BANK1: variants seen among roughly 807,000 people sequenced by gnomAD.
BANK1 encodes the protein B-cell scaffold protein with ankyrin repeats.
BANK1 carries 95 observed loss-of-function variants against 94.5 expected under a neutral mutation model. The observed-to-expected ratio is 1.00, with a 90% confidence interval of 0.85 to 1.19. The LOEUF (loss-of-function observed/expected upper bound fraction) is 1.19. Among genes scored for constraint, BANK1 ranks in the 50% most tolerant of loss-of-function variants. The pLI is 0.00. For missense variants in BANK1, 987 were observed against 932.2 expected (o/e 1.06, Z -0.77); for synonymous variants, 334 against 308.4 (o/e 1.08, Z -0.87).
chr4:101,806,632 C>T (rs891075443), intron 1 of BANK1, among the ~76,000 whole-genome samples: 2 of 152,116 alleles, frequency 1.3e-5, no homozygotes, highest in African/African-American at 2.4e-5. Flanking sequence ...ATACTTGGTT[C>T]ATAATACATG....
chr4:101,813,863 A>G (rs1039930075), intron 1 of BANK1: 6 of 985,282 alleles, frequency 6.1e-6, no homozygotes, highest in Non-Finnish European at 7.2e-6. Context: ...ACACATCAGG[A>G]AGAGGGTGGG....
intron 3 of BANK1, among the ~76,000 whole-genome samples, chr4:101,857,899 T>C (rs191708654): frequency 9.8e-4 from 150 of 152,312 alleles, no homozygotes; most frequent in Middle Eastern, 6.8e-3. Context: ...GACTTTTCTT[T>C]GTTTATGGGC....
chr4:101,832,955 A>C (rs1321261196), intron 2 of BANK1, among the ~76,000 whole-genome samples: 2 of 131,486 alleles, frequency 1.5e-5, no homozygotes, highest in African/African-American at 5.8e-5. Context: ...TAGTATCTTT[A>C]TATAGATTCT....
At chr4:101,910,589 G>A (rs1355762771) in intron 6 of BANK1, among the ~76,000 whole-genome samples, 1 of 151,464 alleles carries the variant, frequency 6.6e-6, no homozygotes, top group Non-Finnish European at 1.5e-5. Context: ...AGCTACTCAG[G>A]AGGCTGAGGC....
chr4:101,942,503 A>G (rs1307232660), intron 7 of BANK1, among the ~76,000 whole-genome samples: 1 of 151,920 alleles, frequency 6.6e-6, no homozygotes, highest in South Asian at 2.1e-4. Flanking sequence ...CATCTTGACA[A>G]TGCTCTCTTA....
intron 4 of BANK1, among the ~76,000 whole-genome samples, chr4:101,866,083 A>G (rs537070208): frequency 6.6e-6 from 1 of 152,288 alleles, no homozygotes; most frequent in Non-Finnish European, 1.5e-5. Context: ...CATGCATCAG[A>G]CTAGAATTAG....
At chr4:102,048,558 C>T (rs1007522564) in intron 11 of BANK1, among the ~76,000 whole-genome samples, 1 of 152,094 alleles carries the variant, frequency 6.6e-6, no homozygotes, top group Non-Finnish European at 1.5e-5. Context: ...CAGTGATACT[C>T]TCTTTATTTG....
rs147865381 is a variant in BANK1 at position 101,879,597 on chromosome 4, G to A, written c.903+8953G>A. Among the ~76,000 whole-genome samples the A allele has an allele frequency of 1.1e-4, 16 of 151,906 alleles. No homozygotes were observed. The East Asian group carries it at 2.7e-3, about 26-fold the overall frequency. On this transcript the variant is annotated intron_variant, in intron 5 of 16. Transcript: ENST00000322953. ...AGGAACACTTCCAAACTAATTCTACGAGCCCTGTATTACCCTAATCCAGAC... is the reference window on the plus strand; with the variant it reads ...AGGAACACTTCCAAACTAATTCTACAAGCCCTGTATTACCCTAATCCAGAC...
intron 13 of BANK1, among the ~76,000 whole-genome samples, chr4:102,065,549 A>G (rs1404712339): frequency 6.6e-6 from 1 of 152,140 alleles, no homozygotes; most frequent in African/African-American, 2.4e-5. Context: ...ATACAAAGAT[A>G]CAGGAAACTG....
intron 7 of BANK1, among the ~76,000 whole-genome samples, chr4:101,995,948 T>A (rs907667242): frequency 1.3e-5 from 2 of 152,198 alleles, no homozygotes; most frequent in Non-Finnish European, 2.9e-5. Flanking sequence ...TAGTTTAGTT[T>A]AATTAGATCC....
chr4:101,870,539 C>T lies in BANK1; in HGVS notation c.798C>T (p.Tyr266=). 6.2e-7 allele frequency: 1 copy of T among 1,612,704 alleles called. No homozygotes were observed. The highest frequency in any genetic ancestry group is 1.7e-4 in the Middle Eastern group (1 of 6,046). ...CTGGTTCAGTCCATGTCAATGTCTACTGTGATGGAATCGTTAAAGCTACAA... is the reference window on the plus strand; with the variant it reads ...CTGGTTCAGTCCATGTCAATGTCTATTGTGATGGAATCGTTAAAGCTACAA... ...FPAGSVHVNV[Y]CDGIVKATTK... is the part of the protein sequence containing the mutation. The change falls in exon 5 of 17, where the codon TAC becomes TAT. Residue 266 remains tyrosine, a synonymous_variant. Transcript: ENST00000322953.
At chr4:102,042,733 A>G (rs1727741450) in intron 10 of BANK1, among the ~76,000 whole-genome samples, 1 of 152,054 alleles carries the variant, frequency 6.6e-6, no homozygotes, top group Non-Finnish European at 1.5e-5. Flanking sequence ...GCCTCAGCTC[A>G]ATTATCCCAG....
At chr4:102,013,231 T>G (rs1227958027) in intron 7 of BANK1, among the ~76,000 whole-genome samples, 1 of 152,092 alleles carries the variant, frequency 6.6e-6, no homozygotes, top group Non-Finnish European at 1.5e-5. Flanking sequence ...AATCAATTAT[T>G]CGCTATTCTC....
At chr4:101,840,181 G>T (rs1726990791) in intron 2 of BANK1, among the ~76,000 whole-genome samples, 1 of 150,140 alleles carries the variant, frequency 6.7e-6, no homozygotes, top group Non-Finnish European at 1.5e-5. Context: ...TTTTAGCCGG[G>T]ATGGTCTCGA....
intron 6 of BANK1, among the ~76,000 whole-genome samples, chr4:101,897,676 G>A (rs972641947): frequency 3.3e-5 from 5 of 151,968 alleles, no homozygotes; most frequent in Admixed American, 6.6e-5. Flanking sequence ...AATCACCTGT[G>A]TAGCTTTTAA....
intron 3 of BANK1, among the ~76,000 whole-genome samples, chr4:101,856,705 A>G (rs1319303472): frequency 6.6e-6 from 1 of 152,328 alleles, no homozygotes; most frequent in Middle Eastern, 3.4e-3. Flanking sequence ...TGTTATTTAG[A>G]TAGCTAGTTA....
chr4:102,042,079 G>A (rs1026388714), intron 10 of BANK1, among the ~76,000 whole-genome samples: 2 of 151,776 alleles, frequency 1.3e-5, no homozygotes, highest in Non-Finnish European at 2.9e-5. Context: ...TATGAATGAC[G>A]CCAGCTTTTT....
intron 7 of BANK1, among the ~76,000 whole-genome samples, chr4:101,965,110 G>A (rs535644392): frequency 4.0e-5 from 6 of 151,356 alleles, no homozygotes; most frequent in Non-Finnish European, 7.4e-5. Context: ...ATTTTTTATG[G>A]TTGCATAGTA....
rs17031854 is a variant in BANK1 at position 102,012,792 on chromosome 4, T to A, written c.1207-8722T>A. Among the ~76,000 whole-genome samples the A allele has an allele frequency of 5.6e-3, 856 of 152,216 alleles. 22 individuals are homozygous for A. The East Asian group carries it at 0.068, about 12-fold the overall frequency. Reference sequence around the variant, plus strand: ...TTGTTTGTTTTACCATTTGGTTTTCTTTGACCCGTAATCAAATTATCAAAG... The same window carrying A: ...TTGTTTGTTTTACCATTTGGTTTTCATTGACCCGTAATCAAATTATCAAAG... On this transcript the variant is annotated intron_variant, in intron 7 of 16. Coordinates refer to ENST00000322953, the MANE Select transcript of BANK1 (RefSeq NM_017935.5).
Sources: allele counts gnomAD v4.1 joint callset (sites outside exome capture counted in the v4.1 genomes callset), GRCh38; gene constraint gnomAD v4.1.1; transcripts MANE v1.5; gene names NCBI Gene and HGNC (gene_info 2026-07-23, HGNC 2026-07-21).